The following KRABD3 variants were observed in gnomAD, a reference collection of about 807,000 sequenced individuals.
KRABD3 encodes KRAB domain-containing protein 3.
the KRABD3 span, chr7:149,725,225 G>A: frequency 7.5e-7 from 1 of 1,336,796 alleles, no homozygotes; most frequent in Middle Eastern, 2.2e-4. Flanking sequence ...CACCCCTGTA[G>A]AAAGCACGTC....
the KRABD3 span, chr7:149,729,868 A>T: frequency 1.0e-6 from 1 of 985,406 alleles, no homozygotes; most frequent in South Asian, 4.7e-5. Flanking sequence ...TGTGAGACCT[A>T]GGCCTGGCTA....
chr7:149,722,699 C>T, the KRABD3 span: 114 of 1,515,544 alleles, frequency 7.5e-5, 1 homozygote, highest in African/African-American at 8.9e-4. Context: ...GAATCTCAGC[C>T]GCCCGGAGAC....
chr7:149,731,296 C>T, the KRABD3 span, among the ~76,000 whole-genome samples: 1 of 152,230 alleles, frequency 6.6e-6, no homozygotes, highest in Non-Finnish European at 1.5e-5. Flanking sequence ...CCAGGCTGCA[C>T]CACATTCTTC....
the KRABD3 span, chr7:149,734,230 C>A: frequency 1.3e-6 from 1 of 754,502 alleles, no homozygotes; most frequent in Non-Finnish European, 2.1e-6. Context: ...CAGGAGGCTG[C>A]TGTGGGGGTG....
chr7:149,719,097 G>C, the KRABD3 span, among the ~76,000 whole-genome samples: 1 of 152,170 alleles, frequency 6.6e-6, no homozygotes, highest in Non-Finnish European at 1.5e-5. The surrounding 1 kb of genome is among the most constrained non-coding windows in gnomAD (Gnocchi z 5.6). Flanking sequence ...GAAGGCTCTG[G>C]GCCAGGATCC....
chr7:149,725,527 A>T, the KRABD3 span: 4 of 1,549,260 alleles, frequency 2.6e-6, no homozygotes, highest in Non-Finnish European at 3.5e-6. Context: ...CATGTCCCTG[A>T]GCGTGGCAGC....
At chr7:149,728,126 G>A in the KRABD3 span, among the ~76,000 whole-genome samples, 1 of 152,254 alleles carries the variant, frequency 6.6e-6, no homozygotes, top group Non-Finnish European at 1.5e-5. Context: ...TGGCCCAGAG[G>A]CCAGGGGGCC....
At chr7:149,726,037 A>G in the KRABD3 span, 1 of 1,612,572 alleles carries the variant, frequency 6.2e-7, no homozygotes. Context: ...CCTGTGGGGA[A>G]CCAGGGGCAG....
chr7:149,722,403 T>G, the KRABD3 span: 1 of 1,594,718 alleles, frequency 6.3e-7, no homozygotes, highest in South Asian at 1.1e-5. Flanking sequence ...AAAGGCCCTC[T>G]TGTCTTCTCC....
At chr7:149,728,596 GCCTGC>G in the KRABD3 span, 1 of 1,613,758 alleles carries the variant, frequency 6.2e-7, no homozygotes, top group South Asian at 1.1e-5. Context: ...CTGTGCTGCG[GCCTGC>G]CTGGCCCTGC....
chr7:149,715,227 A>G, the KRABD3 span: 1,856 of 1,216,488 alleles, frequency 1.5e-3, 16 homozygotes, highest in South Asian at 0.017. Flanking sequence ...TCCTCGGACA[A>G]CCTCTCTCCA....
the KRABD3 span, among the ~76,000 whole-genome samples, chr7:149,726,966 G>T: frequency 1.5e-4 from 23 of 152,248 alleles, no homozygotes; most frequent in Non-Finnish European, 2.8e-4. Flanking sequence ...CAGCCACAAA[G>T]AATTGCCTGT....
the KRABD3 span, among the ~76,000 whole-genome samples, chr7:149,727,580 T>C: frequency 6.6e-6 from 1 of 152,218 alleles, no homozygotes. Context: ...TCAGCATTTG[T>C]CTTTGACCCC....
At chr7:149,733,850 C>T in the KRABD3 span, 6 of 1,600,556 alleles carry the variant, frequency 3.7e-6, no homozygotes, top group Non-Finnish European at 5.1e-6. Context: ...CCCTTTAGTG[C>T]CTGCTGCCTT....
At chr7:149,720,188 A>G in the KRABD3 span, 3 of 1,535,400 alleles carry the variant, frequency 2.0e-6, no homozygotes, top group Admixed American at 4.0e-5. Flanking sequence ...GCCCCAGGCA[A>G]TGCGTGACCT....
the KRABD3 span, chr7:149,715,207 G>A: frequency 8.2e-7 from 1 of 1,219,090 alleles, no homozygotes; most frequent in East Asian, 3.2e-5. Context: ...TTCGTGCCGG[G>A]AAGTTCAGGT....
chr7:149,714,988 G>A, the KRABD3 span: 2 of 1,200,684 alleles, frequency 1.7e-6, no homozygotes, highest in Admixed American at 4.3e-5. Context: ...CGCCGACGAG[G>A]GTCGCGTGCG....
At chr7:149,730,831 C>T in the KRABD3 span, 129 of 521,224 alleles carry the variant, frequency 2.5e-4, 1 homozygote, top group East Asian at 3.8e-3. Flanking sequence ...CTAATATACA[C>T]GTGTGCATGT....
chr7:149,724,671 CCCT>C, the KRABD3 span: 1 of 1,543,336 alleles, frequency 6.5e-7, no homozygotes, highest in South Asian at 1.2e-5. Flanking sequence ...ACCTCCTGAC[CCCT>C]CCTCCCCATC....
Sources: gnomAD v4.1 joint callset for allele counts (sites outside exome capture counted in the v4.1 genomes callset) on GRCh38, gnomAD v4.1.1 for gene constraint, Gnocchi (gnomAD v3.1) non-coding constraint, MANE v1.5 for transcripts, NCBI Gene and HGNC (gene_info 2026-07-23, HGNC 2026-07-21) for gene names.